GPANK1: variants seen among roughly 807,000 people sequenced by gnomAD.
GPANK1 encodes the protein G patch domain and ankyrin repeat-containing protein 1.
In GPANK1, 22 loss-of-function variants were observed where a neutral mutation model predicts 24.0. That is an observed-to-expected ratio of 0.92 (90% CI 0.66 to 1.31). The LOEUF (loss-of-function observed/expected upper bound fraction) is 1.31, where lower values mean the gene tolerates loss of function less well. Ranked by LOEUF, GPANK1 falls within the 50% of genes most tolerant of loss-of-function variation. The pLI, the probability that GPANK1 is intolerant of heterozygous loss-of-function variation, is 0.00. For missense variants in GPANK1, 469 were observed against 453.5 expected (o/e 1.03, Z -0.31); for synonymous variants, 174 against 177.4 (o/e 0.98, Z 0.15).
In GPANK1 at chr6:31,662,957, T is replaced by A. The variant is rs1801094861; in HGVS notation, c.627-247A>T. On this transcript the variant is annotated intron_variant, in intron 2 of 2. Transcript: ENST00000375896. The surrounding 1 kb of genome is among the most constrained non-coding windows in gnomAD (Gnocchi z 5.5). ...AAATGGCAACGCCTGCTTTTTTTTT[T>A]TTTTTTTTTGAGATGGAGTCTTGCT... Among the ~76,000 whole-genome samples the A allele has an allele frequency of 6.7e-6, 1 of 149,776 alleles. No homozygotes were observed. The highest frequency in any genetic ancestry group is 2.5e-5 in the African/African-American group (1 of 40,434).
In GPANK1 at chr6:31,661,238, A is replaced by G. The variant is rs890487804; in HGVS notation, c.*1028T>C. 20 of 127,918 alleles carry G rather than the reference A, an allele frequency of 1.6e-4. No individual in the cohort carries two copies. The highest frequency in any genetic ancestry group is 7.0e-4 in the African/African-American group (20 of 28,680). 7.9% of individuals were successfully genotyped at this position (127,918 alleles called of 1,614,324 possible). Reference sequence around the variant, plus strand: ...AAAAGTGTAGACAAATGGGTGGAACAAAGAAGTTTAAAGTTTAGATTTGGG... The same window carrying G: ...AAAAGTGTAGACAAATGGGTGGAACGAAGAAGTTTAAAGTTTAGATTTGGG... On this transcript the variant is annotated 3_prime_UTR_variant, in exon 3 of 3. Transcript: ENST00000375896.
chr6:31,665,063 A>G (rs1346531119), upstream of GPANK1: 2 of 308,176 alleles, frequency 6.5e-6, no homozygotes, highest in Non-Finnish European at 1.2e-5. Context: ...ATGCGTGGCG[A>G]CAACAACAAC....
At position 31,661,987 on chromosome 6, in the gene GPANK1, G is replaced by T; in HGVS notation, c.*279C>A. The T allele has an allele frequency of 2.7e-6, 1 of 368,644 alleles. No individual in the cohort carries two copies. Among genetic ancestry groups the T allele is most frequent in the Non-Finnish European group, 4.8e-6 (1 of 207,178 alleles). The allele number at this position is 368,644 out of a possible 1,614,324, so 22.8% of individuals were successfully genotyped here. Reference sequence around the variant, plus strand: ...ATTGGCAGGGAGGTGACCTTATCATGCCACCTGGAGAGGCTGCCCCTTCTG... The same window carrying T: ...ATTGGCAGGGAGGTGACCTTATCATTCCACCTGGAGAGGCTGCCCCTTCTG... On this transcript the variant is annotated 3_prime_UTR_variant, in exon 3 of 3. Transcript: ENST00000375896.
In GPANK1 at chr6:31,662,615, G is replaced by C; in HGVS notation, c.722C>G (p.Ser241Trp). ...RTSTAHLLSL[S>W]QGPQPPNLPL... ...AAGGTTGGGAGGCTGAGGACCCTGC[G>C]ACAGTGACAGCAGGTGAGCAGTGGA... Residue 241 changes from serine to tryptophan, a missense_variant, in exon 3 of 3, where the codon TCG (serine) becomes TGG (tryptophan). Ser to Trp is a radical substitution (Grantham distance 177). Coordinates refer to ENST00000375896, the MANE Select transcript of GPANK1 (RefSeq NM_033177.4). The surrounding 1 kb of genome is among the most constrained non-coding windows in gnomAD (Gnocchi z 5.5). 1 of 1,612,682 alleles carries C rather than the reference G, an allele frequency of 6.2e-7. No homozygotes were observed. Among genetic ancestry groups the C allele is most frequent in the Non-Finnish European group, 8.5e-7 (1 of 1,179,706 alleles).
In GPANK1 at chr6:31,663,998, A is replaced by G. The variant is rs770158536; in HGVS notation, c.481T>C (p.Tyr161His). 18 of 1,614,046 alleles carry G rather than the reference A, an allele frequency of 1.1e-5. No homozygotes were observed. In the South Asian group the frequency reaches 1.3e-4, roughly 12 times the overall value. ...CAGGCAGCCCCACGGCCCAGGAGAT[A>G]GCTCACAGCTGCCCCCTGGCCCGCT... is the stretch of plus-strand genomic sequence containing the variant. ...ARAGQGAAVS[Y>H]LLGRGAAWVG... Residue 161 changes from tyrosine (Y) to histidine (H), a missense_variant, in exon 2 of 3, where the codon TAT becomes CAT. Tyr to His is a moderately conservative substitution (Grantham distance 83, BLOSUM62 2). Transcript: ENST00000375896.
intron 1 of GPANK1, 21 bp downstream of exon 1, chr6:31,664,820 T>G: frequency 3.0e-6 from 1 of 336,704 alleles, no homozygotes; most frequent in East Asian, 5.1e-5. Flanking sequence ...TGAAACCACT[T>G]TCCCACCCCG....
In GPANK1 at chr6:31,664,255, ATTC is replaced by A. The variant is rs778815354; in HGVS notation, c.221_223del (p.Arg74del). The A allele has an allele frequency of 3.8e-5, 61 of 1,613,762 alleles. No individual in the cohort carries two copies. The highest frequency in any genetic ancestry group is 1.6e-4 in the Middle Eastern group (1 of 6,084). ...TGCTTCTGCTGCTGGTGCCTTCATTATTCTTCTTTTCTTTCTCTTTCTTTCTCT... is the reference window on the plus strand; with the variant it reads ...TGCTTCTGCTGCTGGTGCCTTCATTATTCTTTTCTTTCTCTTTCTTTCTCT... On this transcript the variant is annotated inframe_deletion, in exon 2 of 3. Transcript: ENST00000375896.
Position 31,662,779 on chromosome 6 carries a change from G to A in GPANK1, c.627-69C>T. The A allele has an allele frequency of 3.1e-6, 3 of 975,322 alleles. No homozygotes were observed. The highest frequency in any genetic ancestry group is 4.6e-6 in the Non-Finnish European group (3 of 648,160). The allele number at this position is 975,322 out of a possible 1,614,324, so 60.4% of individuals were successfully genotyped here. A position where few individuals can be genotyped will look rare whatever the true frequency, so the allele number is the denominator to read the frequency against. On this transcript the variant is annotated intron_variant, in intron 2 of 2. Coordinates refer to ENST00000375896, the MANE Select transcript of GPANK1 (RefSeq NM_033177.4). This position sits in a 1 kb window ranked among gnomAD's most constrained non-coding sequence, Gnocchi z 5.5. The stretch of plus-strand genomic sequence containing the variant: ...AGGGGAAGAGTTGAGGCCTCAGAGG[G>A]GGCTGGCAGGGTAGAATAGGATCTT...
At chr6:31,666,019 G>A (rs1801640642), upstream of GPANK1, 4 of 997,984 alleles carry the variant, frequency 4.0e-6, no homozygotes, top group Middle Eastern at 5.2e-4. Context: ...TCCGTGTCCC[G>A]GCATCCACCG....
intron 2 of GPANK1, 100 bp downstream of exon 2, chr6:31,663,753 G>A (rs1328117267): frequency 2.0e-6 from 3 of 1,486,694 alleles, no homozygotes; most frequent in Non-Finnish European, 2.7e-6. Context: ...ATGAGGATAA[G>A]GAAAGAACTC....
At chr6:31,665,525 C>G, upstream of GPANK1, 1 of 1,548,602 alleles carries the variant, frequency 6.5e-7, no homozygotes, top group Non-Finnish European at 8.7e-7. Context: ...AGTTCTCACA[C>G]CGCCCACCCC....
In GPANK1 at chr6:31,663,999, G is replaced by A; in HGVS notation, c.480C>T (p.Ser160=). Residue 160 remains serine, a synonymous_variant, in exon 2 of 3, where the codon AGC becomes AGT. Transcript: ENST00000375896. The part of the protein sequence containing the change: ...AARAGQGAAV[S]YLLGRGAAWV... ...AGGCAGCCCCACGGCCCAGGAGATA[G>A]CTCACAGCTGCCCCCTGGCCCGCTC... 1.2e-6 allele frequency: 2 copies of A among 1,614,168 alleles called. No homozygotes were observed. The highest frequency in any genetic ancestry group is 1.7e-6 in the Non-Finnish European group (2 of 1,180,028).
chr6:31,663,816 C>T, intron 2 of GPANK1, 37 bp downstream of exon 2: 1 of 1,525,998 alleles, frequency 6.6e-7, no homozygotes, highest in Non-Finnish European at 8.8e-7. Context: ...AGGCAGAACA[C>T]AATGAGACAT....
At position 31,664,590 on chromosome 6, in the gene GPANK1, G is replaced by A. The variant is rs2151171974; in HGVS notation, c.-99-13C>T. 7 of 790,756 alleles carry A rather than the reference G, an allele frequency of 8.9e-6. No individual in the cohort carries two copies. Among genetic ancestry groups the A allele is most frequent in the Admixed American group, 2.8e-5 (1 of 35,458 alleles). The allele number at this position is 790,756 out of a possible 1,614,324, so 49.0% of individuals were successfully genotyped here. On this transcript the variant is annotated splice_polypyrimidine_tract_variant and intron_variant, in intron 1 of 2. Transcript: ENST00000375896. ...CAGCCTCAGAGACCTGCTGGGATGAGAAAAAGTAGTCAAAAACACTTTCCT... is the reference window on the plus strand; with the variant it reads ...CAGCCTCAGAGACCTGCTGGGATGAAAAAAAGTAGTCAAAAACACTTTCCT...
In GPANK1 at chr6:31,662,164, G is replaced by A; in HGVS notation, c.*102C>T. 1.6e-5 allele frequency: 11 copies of A among 677,130 alleles called. No individual in the cohort carries two copies. Among genetic ancestry groups the A allele is most frequent in the Non-Finnish European group, 2.7e-5 (11 of 407,230 alleles). 41.9% of individuals were successfully genotyped at this position (677,130 alleles called of 1,614,324 possible). ...AGAGCCTATTGACCAAAAACTTCAG[G>A]ATCTGCATCTGAGCAGATCCCAGGA... On this transcript the variant is annotated 3_prime_UTR_variant, in exon 3 of 3. Coordinates refer to ENST00000375896, the MANE Select transcript of GPANK1 (RefSeq NM_033177.4). The surrounding 1 kb of genome is among the most constrained non-coding windows in gnomAD (Gnocchi z 5.5).
At chr6:31,665,715 C>T, upstream of GPANK1, 3 of 828,114 alleles carry the variant, frequency 3.6e-6, no homozygotes, top group Non-Finnish European at 5.5e-6. Context: ...TGGGCAGCAG[C>T]GCCGCGCCGG....
At chr6:31,666,021 C>T (rs1305763640), upstream of GPANK1, 9 of 998,484 alleles carry the variant, frequency 9.0e-6, no homozygotes, top group Non-Finnish European at 4.8e-6. Context: ...CGTGTCCCGG[C>T]ATCCACCGCG....
chr6:31,666,131 T>G, upstream of GPANK1: 2 of 991,720 alleles, frequency 2.0e-6, no homozygotes, highest in Non-Finnish European at 2.4e-6. Flanking sequence ...GTCCGCGGCC[T>G]GCGCTGTAGC....
At chr6:31,665,223 T>C (rs368473153), upstream of GPANK1, 1 of 571,088 alleles carries the variant, frequency 1.8e-6, no homozygotes, top group Non-Finnish European at 3.2e-6. Context: ...GGGGTCCTAC[T>C]TTTACATAAC....
Sources: gnomAD v4.1 joint callset for allele counts (sites outside exome capture counted in the v4.1 genomes callset) on GRCh38, gnomAD v4.1.1 for gene constraint, Gnocchi (gnomAD v3.1) non-coding constraint, MANE v1.5 for transcripts, NCBI Gene and HGNC (gene_info 2026-07-23, HGNC 2026-07-21) for gene names.